Variants in PCDH7 observed in about 807,000 individuals in gnomAD.
PCDH7 encodes protocadherin 7, also known as protocadherin-7.
Under a neutral mutation model 58.9 loss-of-function variants are expected in PCDH7, and 17 were observed. The observed-to-expected ratio is 0.29, with a 90% CI of 0.20 to 0.43. The LOEUF (loss-of-function observed/expected upper bound fraction) is 0.43, where lower values mean the gene tolerates loss of function less well. Among genes scored for constraint, PCDH7 ranks in the 20% least tolerant of loss-of-function variants. The pLI is 1.00. For synonymous variants in PCDH7, 664 were observed against 616.4 expected, an observed-to-expected ratio of 1.08 and a Z score of -1.14; for missense variants, 1,274 against 1,441.0, an observed-to-expected ratio of 0.88 and a Z score of 1.88.
chr4:31,034,860 G>A (rs1755257715), intron 3 of PCDH7, among the ~76,000 whole-genome samples: 1 of 152,146 alleles, frequency 6.6e-6, no homozygotes, highest in Admixed American at 6.5e-5. Flanking sequence ...TCCCTAGTCA[G>A]CAGTTAGTCT....
Position 31,095,203 on chromosome 4 carries a change from A to G in PCDH7, c.*8-47270A>G, listed in dbSNP as rs377431060. On this transcript the variant is annotated intron_variant, in intron 3 of 3. Coordinates refer to the PCDH7 transcript ENST00000509759. ...TTATTTTAGGTTGTTAATGGTGGTT[A>G]TAGGAATTGGTTCTATGGTAGATTT... is the stretch of plus-strand genomic sequence containing the variant. 4.6e-5 allele frequency among the ~76,000 whole-genome samples: 7 copies of G among 152,034 alleles called. No individual in the cohort carries two copies. In the East Asian group the frequency reaches 1.2e-3, roughly 25 times the overall value.
chr4:30,821,887 A>G (rs1019798316), intron 1 of PCDH7, among the ~76,000 whole-genome samples: 4 of 152,140 alleles, frequency 2.6e-5, no homozygotes, highest in African/African-American at 9.7e-5. Context: ...AAGAATAGAA[A>G]CAGTGGGAAG....
At chr4:30,736,417 G>A (rs1273176187), downstream of PCDH7, among the ~76,000 whole-genome samples, 1 of 151,852 alleles carries the variant, frequency 6.6e-6, no homozygotes, top group African/African-American at 2.4e-5. Context: ...AAAAAATCGG[G>A]GTGATCTCAT....
intron 1 of PCDH7, among the ~76,000 whole-genome samples, chr4:30,818,316 A>G (rs1046326188): frequency 6.6e-6 from 1 of 152,142 alleles, no homozygotes; most frequent in Non-Finnish European, 1.5e-5. Flanking sequence ...ATTAGAATCT[A>G]AGTTGCAAGA....
chr4:30,875,163 C>G (rs368404594), intron 1 of PCDH7, among the ~76,000 whole-genome samples: 1 of 152,016 alleles, frequency 6.6e-6, no homozygotes, highest in African/African-American at 2.4e-5. Flanking sequence ...GTGGTTGCAC[C>G]GTTGATTCCT....
At chr4:30,922,684 A>G (rs935718442) in intron 2 of PCDH7, among the ~76,000 whole-genome samples, 1 of 152,138 alleles carries the variant, frequency 6.6e-6, no homozygotes, top group African/African-American at 2.4e-5. Flanking sequence ...GTCAAAAGCA[A>G]GGGTCATGAT....
At chr4:30,974,599 C>G (rs1749900181) in intron 3 of PCDH7, among the ~76,000 whole-genome samples, 1 of 152,150 alleles carries the variant, frequency 6.6e-6, no homozygotes, top group Admixed American at 6.5e-5. Context: ...TAATCTTCCC[C>G]TCAAGCTAAT....
intron 3 of PCDH7, among the ~76,000 whole-genome samples, chr4:31,118,162 A>C (rs951394936): frequency 6.6e-6 from 1 of 152,190 alleles, no homozygotes; most frequent in Non-Finnish European, 1.5e-5. Flanking sequence ...GCATTTAAGT[A>C]AGATGTTCCC....
At chr4:31,090,581 C>A (rs1029318865) in intron 3 of PCDH7, among the ~76,000 whole-genome samples, 1 of 152,046 alleles carries the variant, frequency 6.6e-6, no homozygotes, top group African/African-American at 2.4e-5. Flanking sequence ...AATATACATG[C>A]AAACAAATAT....
rs201038733 is a variant in PCDH7 at position 30,888,204 on chromosome 4, A to G, written c.71-31949A>G. On this transcript the variant is annotated intron_variant, in intron 1 of 3. Transcript: ENST00000509759. ...ATTTCTTTTTAAAATGGATTTGTGT[A>G]ATGGATCGATCATAATTGTAAAATC... is the stretch of plus-strand genomic sequence containing the variant. Among the ~76,000 whole-genome samples, 19 of 152,230 alleles carry G rather than the reference A, an allele frequency of 1.2e-4. No individual in the cohort carries two copies. In the East Asian group the frequency reaches 3.5e-3, roughly 28 times the overall value.
At chr4:30,899,338 A>G (rs1181019159) in intron 1 of PCDH7, among the ~76,000 whole-genome samples, 2 of 152,038 alleles carry the variant, frequency 1.3e-5, no homozygotes, top group African/African-American at 2.4e-5. Flanking sequence ...CCCTTTTTTG[A>G]CTTCCCTGAC....
chr4:31,067,425 A>G (rs1020526576), intron 3 of PCDH7, among the ~76,000 whole-genome samples: 2 of 149,592 alleles, frequency 1.3e-5, no homozygotes, highest in Admixed American at 6.7e-5. Flanking sequence ...CCAGTATTTT[A>G]GTCTGGGATC....
chr4:30,965,951 G>A (rs746503440), intron 3 of PCDH7, among the ~76,000 whole-genome samples: 12 of 152,132 alleles, frequency 7.9e-5, no homozygotes, highest in Non-Finnish European at 1.6e-4. Context: ...TATTTCTGCA[G>A]AGTGAAAATG....
At chr4:30,769,530 T>A (rs1190310799) in intron 1 of PCDH7, among the ~76,000 whole-genome samples, 1 of 152,164 alleles carries the variant, frequency 6.6e-6, no homozygotes, top group Non-Finnish European at 1.5e-5. Flanking sequence ...TCCTTTTAAT[T>A]GTGCTTGTAG....
intron 3 of PCDH7, among the ~76,000 whole-genome samples, chr4:30,991,618 A>G (rs917156664): frequency 3.3e-5 from 5 of 152,196 alleles, no homozygotes; most frequent in African/African-American, 1.2e-4. Flanking sequence ...TTAACTTTAA[A>G]AGGCAAAGGT....
intron 1 of PCDH7, among the ~76,000 whole-genome samples, chr4:30,801,484 T>C (rs767270565): frequency 3.9e-5 from 6 of 152,036 alleles, no homozygotes; most frequent in Non-Finnish European, 8.8e-5. Context: ...AGAAGGAGTG[T>C]TTCAGTATAC....
At chr4:30,838,455 G>A (rs917391182) in intron 1 of PCDH7, among the ~76,000 whole-genome samples, 3 of 151,642 alleles carry the variant, frequency 2.0e-5, no homozygotes, top group Middle Eastern at 3.2e-3. Context: ...CCCTTGCCTC[G>A]TTCTTAACTT....
chr4:30,787,916 A>C (rs930286170), intron 1 of PCDH7, among the ~76,000 whole-genome samples: 1 of 152,074 alleles, frequency 6.6e-6, no homozygotes, highest in Non-Finnish European at 1.5e-5. Context: ...TTCACAAAGG[A>C]AGCAATTTTA....
chr4:31,068,730 A>G (rs548479241), intron 3 of PCDH7, among the ~76,000 whole-genome samples: 134 of 152,104 alleles, frequency 8.8e-4, no homozygotes, highest in African/African-American at 3.1e-3. Context: ...AGATTGAGTT[A>G]TAAGAAAGGA....
Sources: gnomAD v4.1 joint callset for allele counts (sites outside exome capture counted in the v4.1 genomes callset) on GRCh38, gnomAD v4.1.1 for gene constraint, MANE v1.5 for transcripts, NCBI Gene and HGNC (gene_info 2026-07-23, HGNC 2026-07-21) for gene names.